Variants in PAX2 observed in about 807,000 individuals in gnomAD.
PAX2 encodes paired box protein Pax-2.
In PAX2, 9 loss-of-function variants were observed where a neutral mutation model predicts 41.7. That is an observed-to-expected ratio of 0.22 (90% CI 0.13 to 0.38). The LOEUF is 0.38. PAX2 is among the 10% of genes least tolerant of loss of function. The pLI is 1.00. For missense variants in PAX2, 418 were observed against 531.6 expected, an observed-to-expected ratio of 0.79 and a Z score of 2.10; for synonymous variants, 221 against 212.7, an observed-to-expected ratio of 1.04 and a Z score of -0.34.
At position 100,827,010 on chromosome 10, in the gene PAX2, G is replaced by A. The variant is rs1229514408; in HGVS notation, c.1023G>A (p.Gly341=). ...CCCCACTCCCCGACCCTCCCGCAGG[G>A]AGCGAGTTCTCCGGCAACCCGTACA... The part of the protein sequence containing the change: ...PTSTLAGMVP[G]SEFSGNPYSH... The change falls in exon 9 of 10, where the codon GGG becomes GGA. Residue 341 remains glycine (G), a splice_region_variant and synonymous_variant. Coordinates refer to ENST00000355243, the MANE Select transcript of PAX2 (RefSeq NM_000278.5). The surrounding 1 kb of genome is among the most constrained non-coding windows in gnomAD (Gnocchi z 8.5). The A allele has an allele frequency of 6.2e-7, 1 of 1,612,390 alleles. No homozygotes were observed. The highest frequency in any genetic ancestry group is 8.5e-7 in the Non-Finnish European group (1 of 1,178,626).
chr10:100,824,604 C>G lies in PAX2; in HGVS notation c.920-44C>G, dbSNP rs748280540. On this transcript the variant is annotated intron_variant, in intron 7 of 9. Transcript: ENST00000355243. The surrounding 1 kb of genome is among the most constrained non-coding windows in gnomAD (Gnocchi z 6.6). ...TACCCTGGTGTGAGTAGAGGCAGGC[C>G]CCTTTCTTCCAGGCCTCACCCCTTC... The G allele has an allele frequency of 7.8e-7, 1 of 1,282,800 alleles. No homozygotes were observed. Among genetic ancestry groups the G allele is most frequent in the Non-Finnish European group, 1.1e-6 (1 of 877,010 alleles). The allele number at this position is 1,282,800 out of a possible 1,614,324, so 79.5% of individuals were successfully genotyped here.
chr10:100,770,257 C>A (rs1054013046), intron 3 of PAX2, among the ~76,000 whole-genome samples: 1 of 152,056 alleles, frequency 6.6e-6, no homozygotes, highest in Admixed American at 6.5e-5. Context: ...GAGACTTTAT[C>A]CCAGCAATGA....
intron 3 of PAX2, among the ~76,000 whole-genome samples, chr10:100,762,825 A>T (rs550456922): frequency 6.6e-6 from 1 of 152,328 alleles, no homozygotes; most frequent in South Asian, 2.1e-4. Context: ...GAGATGCTAA[A>T]CACACAGGCA....
intron 3 of PAX2, among the ~76,000 whole-genome samples, chr10:100,763,882 C>T (rs1845920591): frequency 6.6e-6 from 1 of 152,258 alleles, no homozygotes; most frequent in South Asian, 2.1e-4. Context: ...ACTGGGTCCA[C>T]CTTATATCCT....
In PAX2 at chr10:100,748,814, A is replaced by AG. The variant is rs777556015; in HGVS notation, c.44-929dup. 1 of 985,450 alleles carries AG rather than the reference A, an allele frequency of 1.0e-6. No individual in the cohort carries two copies. The highest frequency in any genetic ancestry group is 5.2e-4 in the Middle Eastern group (1 of 1,914). 61.0% of individuals were successfully genotyped at this position (985,450 alleles called of 1,614,324 possible). A position where few individuals can be genotyped will look rare whatever the true frequency, so the allele number is the denominator to read the frequency against. ...GGGCTGCCGAGGTCTGAGGGGTCAA[A>AG]GGGACTCGAGTCGGGTTTGGGTCGG... On this transcript the variant is annotated intron_variant, in intron 1 of 9. Coordinates refer to ENST00000355243, the MANE Select transcript of PAX2 (RefSeq NM_000278.5). The surrounding 1 kb of genome is among the most constrained non-coding windows in gnomAD (Gnocchi z 5.0).
At chr10:100,804,733 G>A (rs1454798773) in intron 5 of PAX2, among the ~76,000 whole-genome samples, 5 of 152,232 alleles carry the variant, frequency 3.3e-5, no homozygotes, top group Admixed American at 2.6e-4. Context: ...GTACAAGCGC[G>A]TAGACACGCA....
At chr10:100,809,328 C>T in intron 7 of PAX2, 92 bp downstream of exon 7, 1 of 1,227,814 alleles carries the variant, frequency 8.1e-7, no homozygotes, top group Non-Finnish European at 1.2e-6. Context: ...GAGCAGGTCC[C>T]CCACCGTGAT....
intron 3 of PAX2, among the ~76,000 whole-genome samples, chr10:100,763,806 A>C (rs996677361): frequency 3.9e-5 from 6 of 152,220 alleles, no homozygotes; most frequent in Middle Eastern, 3.2e-3. Flanking sequence ...ATAGTGTTAG[A>C]AAGCAGGCTC....
At chr10:100,789,985 T>C (rs1256417775) in intron 5 of PAX2, among the ~76,000 whole-genome samples, 1 of 152,200 alleles carries the variant, frequency 6.6e-6, no homozygotes, top group Non-Finnish European at 1.5e-5. Context: ...GTACAGGGGT[T>C]TAGCCCTGGC....
chr10:100,825,824 A>G (rs1211450669), intron 8 of PAX2, among the ~76,000 whole-genome samples: 1 of 152,016 alleles, frequency 6.6e-6, no homozygotes, highest in Non-Finnish European at 1.5e-5. Flanking sequence ...GTGTGGGTAA[A>G]GGGATTCCTG....
chr10:100,781,154 C>G (rs1846604821), intron 4 of PAX2, 92 bp from the exon 5 acceptor site: 1 of 1,299,304 alleles, frequency 7.7e-7, no homozygotes, highest in Non-Finnish European at 1.1e-6. Flanking sequence ...ATGTCCTCTG[C>G]TTCTCTCTGC....
chr10:100,764,011 C>A (rs1269266224), intron 3 of PAX2, among the ~76,000 whole-genome samples: 1 of 151,926 alleles, frequency 6.6e-6, no homozygotes, highest in African/African-American at 2.4e-5. Context: ...TTGCACCTGG[C>A]AGGTATTAAG....
chr10:100,796,718 C>T (rs193164974), intron 5 of PAX2, among the ~76,000 whole-genome samples: 67 of 152,344 alleles, frequency 4.4e-4, no homozygotes, highest in African/African-American at 1.6e-3. Context: ...CCCTGCACCC[C>T]CTTCCTGAGC....
chr10:100,766,896 A>G (rs1023448278), intron 3 of PAX2, among the ~76,000 whole-genome samples: 4 of 152,180 alleles, frequency 2.6e-5, no homozygotes, highest in Admixed American at 1.3e-4. Flanking sequence ...TGAGACATAC[A>G]TTAGGGAAAA....
rs939545506 is a variant in PAX2 at position 100,747,783 on chromosome 10, A to G, written c.43+1480A>G. 4.1e-5 allele frequency: 40 copies of G among 984,716 alleles called. No individual in the cohort carries two copies. In the Admixed American group the frequency reaches 2.2e-3, roughly 55 times the overall value. The allele number at this position is 984,716 out of a possible 1,614,324, so 61.0% of individuals were successfully genotyped here. On this transcript the variant is annotated intron_variant, in intron 1 of 9. Coordinates refer to ENST00000355243, the MANE Select transcript of PAX2 (RefSeq NM_000278.5). ...CCGCGGGTCTCGGCGAGCGGGCCGG[A>G]AAGCCTCGGTCCTTTTCGGGAGGAG...
At chr10:100,790,313 G>A (rs761231486) in intron 5 of PAX2, among the ~76,000 whole-genome samples, 4 of 152,156 alleles carry the variant, frequency 2.6e-5, no homozygotes, top group Non-Finnish European at 4.4e-5. Flanking sequence ...GTATACCACT[G>A]TCTCAGCAAA....
chr10:100,749,090 TC>T, intron 1 of PAX2: 1 of 985,344 alleles, frequency 1.0e-6, no homozygotes, highest in Non-Finnish European at 1.2e-6. Context: ...AGAGATACGG[TC>T]CCCCTACAGA....
rs202234694 is a variant in PAX2 at position 100,827,137 on chromosome 10, C to T, written c.1108+42C>T. The stretch of plus-strand genomic sequence containing the variant: ...GCTGGCCGGCGGCTCAGCGCGGCCG[C>T]GCGGCTTCTGGGCACGGTCCCACTC... On this transcript the variant is annotated intron_variant, in intron 9 of 9. Transcript: ENST00000355243. This position sits in a 1 kb window ranked among gnomAD's most constrained non-coding sequence, Gnocchi z 8.5. 21 of 1,515,292 alleles carry T rather than the reference C, an allele frequency of 1.4e-5. No homozygotes were observed. In the Admixed American group the frequency reaches 3.3e-4, roughly 24 times the overall value. The allele number at this position is 1,515,292 out of a possible 1,614,324, so 93.9% of individuals were successfully genotyped here.
chr10:100,757,290 G>A (rs575208338), intron 3 of PAX2, among the ~76,000 whole-genome samples: 24 of 152,308 alleles, frequency 1.6e-4, no homozygotes, highest in Admixed American at 6.5e-4. Context: ...TTGTACTTGG[G>A]CCATCAGATC....
Sources: allele counts gnomAD v4.1 joint callset (sites outside exome capture counted in the v4.1 genomes callset), GRCh38; gene constraint gnomAD v4.1.1; non-coding constraint Gnocchi (gnomAD v3.1); transcripts MANE v1.5; gene names NCBI Gene and HGNC (gene_info 2026-07-23, HGNC 2026-07-21).